The following PHF3 variants were observed in gnomAD, a reference collection of about 807,000 sequenced individuals.
PHF3 encodes PHD finger protein 3.
A neutral mutation model predicts 178.4 loss-of-function variants in PHF3; 41 were observed. The observed-to-expected ratio is 0.23, with a 90% confidence interval of 0.18 to 0.30. The LOEUF (loss-of-function observed/expected upper bound fraction) is 0.30. PHF3 is among the 10% of genes least tolerant of loss of function. The probability of loss-of-function intolerance (pLI) is 1.00; values close to 1 mark genes in which losing one functional copy is unlikely to be tolerated. For synonymous variants in PHF3, 842 were observed against 800.5 expected (o/e 1.05, Z -0.88); for missense variants, 2,346 against 2,398.1 (o/e 0.98, Z 0.45).
rs921290363 is a variant in PHF3, at chr6:63,636,086, C to T, written c.-90C>T. ...CACCGGGCCCCCTCCTCCTCCTCTTCGGCGGCGGCAGCGTCCACCATCTTC... is the reference window on the plus strand; with the variant it reads ...CACCGGGCCCCCTCCTCCTCCTCTTTGGCGGCGGCAGCGTCCACCATCTTC... On this transcript the variant is annotated 5_prime_UTR_variant, in exon 1 of 16. Transcript: ENST00000262043. 2.5e-6 allele frequency: 1 copy of T among 392,312 alleles called. No homozygotes were observed. The allele number at this position is 392,312 out of a possible 1,614,324, so 24.3% of individuals were successfully genotyped here.
rs992925964 is a variant in PHF3 at position 63,725,513 on chromosome 6, T to G, written c.*11805T>G. On this transcript the variant is annotated 3_prime_UTR_variant, in exon 16 of 16. Coordinates refer to ENST00000262043, the MANE Select transcript of PHF3 (RefSeq NM_001370348.2). ...GTCTCTTGATTTATAAATAGAAAAT[T>G]TATGTTTGTATGTGGTTCTCCTATT... Among the ~76,000 whole-genome samples the G allele has an allele frequency of 6.6e-6, 1 of 152,046 alleles. No homozygotes were observed. The highest frequency in any genetic ancestry group is 6.6e-5 in the Admixed American group (1 of 15,260).
At chr6:63,645,490 TA>T (rs529279056) in intron 1 of PHF3, among the ~76,000 whole-genome samples, 54 of 152,316 alleles carry the variant, frequency 3.5e-4, no homozygotes, top group African/African-American at 1.3e-3. Context: ...CCCTCATTTT[TA>T]TAGGGGGAGA....
chr6:63,647,462 A>C (rs960812843), intron 2 of PHF3, among the ~76,000 whole-genome samples: 3 of 152,196 alleles, frequency 2.0e-5, no homozygotes, highest in African/African-American at 7.2e-5. Flanking sequence ...AAAAAGTTAA[A>C]AAATATTTCT....
At position 63,716,416 on chromosome 6, in the gene PHF3, A is replaced by G. The variant is rs763632310; in HGVS notation, c.*2708A>G. Among the ~76,000 whole-genome samples, 4 of 152,192 alleles carry G rather than the reference A, an allele frequency of 2.6e-5. No homozygotes were observed. The highest frequency in any genetic ancestry group is 2.9e-5 in the Non-Finnish European group (2 of 68,014). The stretch of plus-strand genomic sequence containing the variant: ...CCTTCACTGAGCAACCCAACTGTTC[A>G]GTGTGAGTCAGAAGACACAACCAAA... On this transcript the variant is annotated 3_prime_UTR_variant, in exon 16 of 16. Coordinates refer to ENST00000262043, the MANE Select transcript of PHF3 (RefSeq NM_001370348.2).
chr6:63,713,717 G>A lies in PHF3; in HGVS notation c.*9G>A. The A allele has an allele frequency of 1.3e-6, 2 of 1,533,852 alleles. No homozygotes were observed. Among genetic ancestry groups the A allele is most frequent in the Non-Finnish European group, 1.7e-6 (2 of 1,145,982 alleles). On this transcript the variant is annotated 3_prime_UTR_variant, in exon 16 of 16. Transcript: ENST00000262043. ...CTAAAAGCAAAAGGTAAAATTTGCA[G>A]GCTGCTTCAGGATTACATTTAAATA... is the stretch of plus-strand genomic sequence containing the variant.
rs7758431 is a variant in PHF3, at chr6:63,718,905, C to T, written c.*5197C>T. 0.09 allele frequency among the ~76,000 whole-genome samples: 13,750 copies of T among 151,948 alleles called. 653 individuals carry two copies. The highest frequency in any genetic ancestry group is 0.16 in the East Asian group (848 of 5,170). On this transcript the variant is annotated 3_prime_UTR_variant, in exon 16 of 16. Transcript: ENST00000262043. ...TACCAGCTGCCAAAAGGAATTTCTT[C>T]AGAGCATTTATCCTTATGATCTGAG...
rs140995432 is a variant in PHF3 at position 63,685,649 on chromosome 6, G to C, written c.1927G>C (p.Val643Leu). Residue 643 changes from valine (V) to leucine (L), a missense_variant, in exon 4 of 16, where the codon GTG (valine) becomes CTG (leucine). Transcript: ENST00000262043. ...QAPAMKTNSH[V>L]KEELEHPGVE... Reference sequence around the variant, plus strand: ...CCCAGCAATGAAAACCAATAGTCACGTGAAGGAAGAGCTTGAACACCCAGG... The same window carrying C: ...CCCAGCAATGAAAACCAATAGTCACCTGAAGGAAGAGCTTGAACACCCAGG... 7 of 1,613,970 alleles carry C rather than the reference G, an allele frequency of 4.3e-6. No homozygotes were observed. In the African/African-American group the frequency reaches 9.3e-5, roughly 22 times the overall value.
rs1189837404 is a variant in PHF3 at position 63,724,021 on chromosome 6, G to A, written c.*10313G>A. Among the ~76,000 whole-genome samples, 1 of 151,994 alleles carries A rather than the reference G, an allele frequency of 6.6e-6. No individual in the cohort carries two copies. Among genetic ancestry groups the A allele is most frequent in the Non-Finnish European group, 1.5e-5 (1 of 68,002 alleles). On this transcript the variant is annotated 3_prime_UTR_variant, in exon 16 of 16. Transcript: ENST00000262043. ...GAGGTTTTACCATGTTGGCCAGGCT[G>A]GTCTTGACCTCCTGACTTCAGGTGA...
At chr6:63,642,830 AT>A (rs1231612289) in intron 1 of PHF3, among the ~76,000 whole-genome samples, 1 of 152,216 alleles carries the variant, frequency 6.6e-6, no homozygotes, top group Non-Finnish European at 1.5e-5. Flanking sequence ...AAGATACTAA[AT>A]TGGCTCCTAA....
At chr6:63,707,254 A>C (rs1767734106) in intron 13 of PHF3, among the ~76,000 whole-genome samples, 1 of 152,140 alleles carries the variant, frequency 6.6e-6, no homozygotes, top group Non-Finnish European at 1.5e-5. Flanking sequence ...AGATCTTCTG[A>C]TTTCCCCACT....
chr6:63,700,547 T>C, intron 9 of PHF3, 81 bp downstream of exon 9: 1 of 740,380 alleles, frequency 1.4e-6, no homozygotes, highest in South Asian at 1.6e-5. Flanking sequence ...CAGAGGTAAA[T>C]TCAACACAGA....
At chr6:63,707,725 CTTTTT>C (rs3839636) in intron 13 of PHF3, among the ~76,000 whole-genome samples, 1 of 133,276 alleles carries the variant, frequency 7.5e-6, no homozygotes, top group Non-Finnish European at 1.7e-5. Flanking sequence ...ATTTGCCTGT[CTTTTT>C]TTTTTTTTTA....
intron 5 of PHF3, among the ~76,000 whole-genome samples, chr6:63,692,507 C>T (rs190498652): frequency 5.8e-4 from 89 of 152,224 alleles, no homozygotes; most frequent in Non-Finnish European, 4.6e-4. Context: ...ATAAAGGACA[C>T]GGCATTTTAT....
Position 63,720,825 on chromosome 6 carries a change from T to A in PHF3, c.*7117T>A, listed in dbSNP as rs1356842901. On this transcript the variant is annotated 3_prime_UTR_variant, in exon 16 of 16. Transcript: ENST00000262043. The stretch of plus-strand genomic sequence containing the variant: ...CACAAAGTTTTTATGTGGATCAATA[T>A]CCTCGGAAAGAATTAGACTGTTATT... 1 of 1,551,238 alleles carries A rather than the reference T, an allele frequency of 6.4e-7. No homozygotes were observed. Among genetic ancestry groups the A allele is most frequent in the South Asian group, 1.2e-5 (1 of 84,058 alleles).
chr6:63,689,404 T>C (rs759327244), intron 4 of PHF3, among the ~76,000 whole-genome samples: 18 of 152,088 alleles, frequency 1.2e-4, no homozygotes, highest in Non-Finnish European at 1.8e-4. Context: ...ACTTAGAAAA[T>C]GGATTTATAG....
At chr6:63,652,394 T>G (rs1386443042) in intron 2 of PHF3, among the ~76,000 whole-genome samples, 2 of 152,158 alleles carry the variant, frequency 1.3e-5, no homozygotes, top group Non-Finnish European at 2.9e-5. Flanking sequence ...GGATTGCTTT[T>G]TTGTTGTTGT....
At position 63,646,783 on chromosome 6, in the gene PHF3, C is replaced by A. The variant is rs201393499; in HGVS notation, c.232C>A (p.Pro78Thr). The change falls in exon 2 of 16, where the codon CCT becomes ACT. Residue 78 changes from proline to threonine, a missense_variant. Physicochemically the swap from Pro to Thr is conservative, Grantham distance 38 (BLOSUM62 -1). Around this residue, in one of 8 missense-constraint regions of PHF3, gnomAD observed 843 missense variants for 795.2 expected, o/e 1.06. Transcript: ENST00000262043. ...TAGCAATGATCCCAATTTCCAGATG[C>A]CTTGTTCAACAGGTAATTCTTACTT... Reference protein sequence around the residue: ...LDSNDPNFQMPCSTVVGLDDI... With the variant: ...LDSNDPNFQMTCSTVVGLDDI... 2.7e-6 allele frequency: 4 copies of A among 1,483,730 alleles called. No homozygotes were observed. In the South Asian group the frequency reaches 4.2e-5, roughly 15 times the overall value. 91.9% of individuals were successfully genotyped at this position (1,483,730 alleles called of 1,614,324 possible).
At position 63,684,539 on chromosome 6, in the gene PHF3, T is replaced by C; in HGVS notation, c.817T>C (p.Leu273=). The C allele has an allele frequency of 6.2e-7, 1 of 1,613,578 alleles. No homozygotes were observed. The highest frequency in any genetic ancestry group is 8.5e-7 in the Non-Finnish European group (1 of 1,179,832). ...TATTGGAGAAAAGAAAAATGAAGCT[T>C]TGATGGAATGTAAAGCCAAGCCTGT... ...VTIGEKKNEA[L]MECKAKPVGS... Residue 273 remains leucine (L), a synonymous_variant, in exon 4 of 16, where the codon TTG becomes CTG. Coordinates refer to ENST00000262043, the MANE Select transcript of PHF3 (RefSeq NM_001370348.2).
At chr6:63,658,108 G>C (rs1334306238) in intron 2 of PHF3, among the ~76,000 whole-genome samples, 3 of 151,186 alleles carry the variant, frequency 2.0e-5, no homozygotes, top group African/African-American at 4.9e-5. Flanking sequence ...TGACCTCTCA[G>C]TATTAAAGTA....
Sources: gnomAD v4.1 joint callset for allele counts (sites outside exome capture counted in the v4.1 genomes callset) on GRCh38, gnomAD v4.1.1 for gene constraint, gnomAD v4.1.1 regional missense constraint, MANE v1.5 for transcripts, NCBI Gene and HGNC (gene_info 2026-07-23, HGNC 2026-07-21) for gene names.